VAT1L: variants seen among roughly 807,000 people sequenced by gnomAD.
VAT1L encodes putative NADPH-dependent quinone oxidoreductase VAT1L.
Under a neutral mutation model 44.1 loss-of-function variants are expected in VAT1L, and 34 were observed. The ratio of observed to expected loss-of-function variants is 0.77; its 90% CI spans 0.59 to 1.03. The LOEUF (loss-of-function observed/expected upper bound fraction) is 1.03, where lower values mean the gene tolerates loss of function less well. VAT1L is among the 50% of genes least tolerant of loss of function. The pLI is 0.00. For missense variants in VAT1L, 615 were observed against 538.8 expected (o/e 1.14, Z -1.40); for synonymous variants, 253 against 202.2 (o/e 1.25, Z -2.13).
chr16:77,951,920 C>G (rs968582124), intron 7 of VAT1L, among the ~76,000 whole-genome samples: 1 of 151,652 alleles, frequency 6.6e-6, no homozygotes, highest in African/African-American at 2.4e-5. Flanking sequence ...AGATTGAACT[C>G]AATTCCTTTG....
chr16:77,858,098 C>T (rs925886317), intron 3 of VAT1L, among the ~76,000 whole-genome samples: 4 of 152,200 alleles, frequency 2.6e-5, no homozygotes, highest in Middle Eastern at 3.4e-3. Context: ...AGCAGAGGGC[C>T]GGTGGAGACA....
At chr16:77,823,044 A>G (rs536787219) in intron 2 of VAT1L, among the ~76,000 whole-genome samples, 19 of 152,078 alleles carry the variant, frequency 1.2e-4, no homozygotes, top group South Asian at 2.1e-4. Context: ...TCTTTATACT[A>G]TATCATCCTG....
chr16:77,828,629 C>T (rs1268686180), intron 3 of VAT1L, among the ~76,000 whole-genome samples: 1 of 151,954 alleles, frequency 6.6e-6, no homozygotes, highest in Non-Finnish European at 1.5e-5. Context: ...TGCCACTGCA[C>T]TCCAGCCTGG....
In VAT1L at chr16:77,880,245, C is replaced by T. The variant is rs575391401; in HGVS notation, c.882+1021C>T. On this transcript the variant is annotated intron_variant, in intron 6 of 8. Transcript: ENST00000302536. ...GGTCTCGGCTCACTGCAACCTCCAC[C>T]TCCTGGGCTGTAGCAACCCTCCTGC... 3.2e-4 allele frequency among the ~76,000 whole-genome samples: 48 copies of T among 152,206 alleles called. 1 individual carries two copies. In the South Asian group the frequency reaches 8.9e-3, roughly 28 times the overall value.
At chr16:77,842,007 C>T (rs2016711713) in intron 3 of VAT1L, among the ~76,000 whole-genome samples, 1 of 152,128 alleles carries the variant, frequency 6.6e-6, no homozygotes, top group Non-Finnish European at 1.5e-5. Context: ...CCTGCCTCAG[C>T]CTCCCGAGTA....
At chr16:77,873,157 G>C (rs960165375) in intron 4 of VAT1L, among the ~76,000 whole-genome samples, 2 of 152,126 alleles carry the variant, frequency 1.3e-5, no homozygotes, top group Non-Finnish European at 2.9e-5. Context: ...ATACTGGCTT[G>C]AACATTTATT....
chr16:77,917,939 C>G (rs1038074186), intron 7 of VAT1L, among the ~76,000 whole-genome samples: 10 of 152,202 alleles, frequency 6.6e-5, no homozygotes, highest in South Asian at 2.1e-4. Flanking sequence ...GCAAGACTCT[C>G]AAGGTCTGGG....
Position 77,884,619 on chromosome 16 carries a change from G to A in VAT1L, c.894G>A (p.Val298=). 1.2e-6 allele frequency: 2 copies of A among 1,613,128 alleles called. No individual in the cohort carries two copies. The highest frequency in any genetic ancestry group is 1.3e-5 in the African/African-American group (1 of 74,970). ...FFSFAKSWWQ[V]EKVNPIKLYE... is the part of the protein sequence containing the mutation. ...ACCTCTCTTTGCAGTGGTGGCAGGTGGAGAAGGTGAACCCCATCAAGCTGT... is the reference window on the plus strand; with the variant it reads ...ACCTCTCTTTGCAGTGGTGGCAGGTAGAGAAGGTGAACCCCATCAAGCTGT... The change falls in exon 7 of 9, where the codon GTG becomes GTA. Residue 298 remains valine, a synonymous_variant. Transcript: ENST00000302536. The surrounding 1 kb of genome is among the most constrained non-coding windows in gnomAD (Gnocchi z 4.5).
At chr16:77,850,060 G>A (rs1386969868) in intron 3 of VAT1L, among the ~76,000 whole-genome samples, 3 of 152,208 alleles carry the variant, frequency 2.0e-5, no homozygotes, top group Admixed American at 6.5e-5. Flanking sequence ...ATGGACACGC[G>A]TGCCAGGCAG....
intron 4 of VAT1L, among the ~76,000 whole-genome samples, chr16:77,875,391 G>A (rs191470650): frequency 4.7e-4 from 72 of 152,310 alleles, no homozygotes; most frequent in African/African-American, 1.7e-3. Flanking sequence ...GAAAAATTGA[G>A]ATATTTGCTA....
chr16:77,914,011 TTGAAAACCAAAGCCAC>T (rs2017525571), intron 7 of VAT1L, among the ~76,000 whole-genome samples: 1 of 152,184 alleles, frequency 6.6e-6, no homozygotes, highest in Admixed American at 6.5e-5. Context: ...ATCTGTTCTT[TTGAAAACCAAAGCCAC>T]TCACTCACAC....
intron 7 of VAT1L, among the ~76,000 whole-genome samples, chr16:77,923,779 T>G (rs186333916): frequency 1.8e-3 from 281 of 152,196 alleles, no homozygotes; most frequent in Non-Finnish European, 3.1e-3. Flanking sequence ...TTCACTACAC[T>G]GGGGAGAGAG....
At chr16:77,890,058 G>C (rs1217348743) in intron 7 of VAT1L, among the ~76,000 whole-genome samples, 1 of 152,174 alleles carries the variant, frequency 6.6e-6, no homozygotes, top group Non-Finnish European at 1.5e-5. Flanking sequence ...CTGCACTCCA[G>C]CCTGGGCAAC....
Position 77,788,883 on chromosome 16 carries a change from G to C in VAT1L, c.201G>C (p.Gln67His). The change falls in exon 1 of 9, where the codon CAG (glutamine) becomes CAC (histidine). Residue 67 changes from glutamine to histidine, a missense_variant. Transcript: ENST00000302536. ...RLFRKAMPEPQDGELKIRVKA... is the reference protein window; with the variant it reads ...RLFRKAMPEPHDGELKIRVKA... ...TCAGGAAGGCCATGCCCGAGCCTCA[G>C]GACGGCGAGCTCAAGATCCGCGTCA... The C allele has an allele frequency of 6.4e-7, 1 of 1,551,384 alleles. No homozygotes were observed. Among genetic ancestry groups the C allele is most frequent in the Non-Finnish European group, 8.7e-7 (1 of 1,150,492 alleles).
chr16:77,902,641 G>GATCA (rs534139255), intron 7 of VAT1L, among the ~76,000 whole-genome samples: 71 of 143,674 alleles, frequency 4.9e-4, no homozygotes, highest in East Asian at 2.7e-3. Flanking sequence ...AAAGAAAATA[G>GATCA]ATCAATCAAT....
At chr16:77,809,668 T>A (rs1160918094) in intron 1 of VAT1L, among the ~76,000 whole-genome samples, 1 of 152,218 alleles carries the variant, frequency 6.6e-6, no homozygotes, top group African/African-American at 2.4e-5. Context: ...TTCTCAGCAA[T>A]TGCTGCTATG....
chr16:77,855,341 GAA>G (rs747929473), intron 3 of VAT1L, among the ~76,000 whole-genome samples: 1 of 95,966 alleles, frequency 1.0e-5, no homozygotes, highest in African/African-American at 3.7e-5. Flanking sequence ...CTCCATCTCA[GAA>G]AAAAAAAAAA....
intron 3 of VAT1L, among the ~76,000 whole-genome samples, chr16:77,848,803 A>C (rs573725707): frequency 1.5e-4 from 23 of 152,344 alleles, no homozygotes; most frequent in Non-Finnish European, 2.6e-4. Flanking sequence ...ATGCCCATCA[A>C]TAATAGACTG....
chr16:77,909,099 A>G (rs1216309256), intron 7 of VAT1L, among the ~76,000 whole-genome samples: 1 of 152,200 alleles, frequency 6.6e-6, no homozygotes, highest in African/African-American at 2.4e-5. Context: ...TAAGGGCTGT[A>G]TTTCATTTAA....
Sources: gnomAD v4.1 joint callset for allele counts (sites outside exome capture counted in the v4.1 genomes callset) on GRCh38, gnomAD v4.1.1 for gene constraint, Gnocchi (gnomAD v3.1) non-coding constraint, MANE v1.5 for transcripts, NCBI Gene and HGNC (gene_info 2026-07-23, HGNC 2026-07-21) for gene names.